PAX8: variants seen among roughly 807,000 people sequenced by gnomAD.
PAX8 encodes paired box protein Pax-8.
Under a neutral mutation model 52.4 loss-of-function variants are expected in PAX8, and 15 were observed. That is an observed-to-expected ratio of 0.29 (90% CI 0.19 to 0.44). PAX8 has a LOEUF of 0.44. Ranked by LOEUF, PAX8 falls within the 20% of genes least tolerant of loss-of-function variation. The pLI, the probability that PAX8 is intolerant of heterozygous loss-of-function variation, is 1.00. For missense variants in PAX8, 554 were observed against 602.5 expected (o/e 0.92, Z 0.84); for synonymous variants, 284 against 249.7 (o/e 1.14, Z -1.29).
rs748501737 is a variant in PAX8 at position 113,241,710 on chromosome 2, G to A, written c.618C>T (p.Cys206=). 1.9e-6 allele frequency: 3 copies of A among 1,614,078 alleles called. No individual in the cohort carries two copies. The highest frequency in any genetic ancestry group is 4.5e-5 in the East Asian group (2 of 44,880). The change falls in exon 7 of 12, where the codon TGC becomes TGT. Residue 206 remains cysteine (C), a synonymous_variant. Transcript: ENST00000429538. Reference sequence around the variant, plus strand: ...TGCTCTGTGAGTCAATGCTTAGTCGGCAGCTATCCTGATCACCTGGTACCC... The same window carrying A: ...TGCTCTGTGAGTCAATGCTTAGTCGACAGCTATCCTGATCACCTGGTACCC... The part of the protein sequence containing the change: ...RKMDDSDQDS[C]RLSIDSQSSS...
intron 2 of PAX8, among the ~76,000 whole-genome samples, chr2:113,253,762 G>A: frequency 6.6e-6 from 1 of 152,148 alleles, no homozygotes; most frequent in East Asian, 1.9e-4. Flanking sequence ...TTGAATGGCT[G>A]TCATAGAAAG....
chr2:113,255,272 A>G (rs1346984346), intron 2 of PAX8: 1 of 7,846 alleles, frequency 1.3e-4, no homozygotes, highest in Non-Finnish European at 2.0e-4. Context: ...GGAGGGGAGG[A>G]GGGAGGGGAG....
intron 3 of PAX8, among the ~76,000 whole-genome samples, chr2:113,246,206 A>G (rs982735873): frequency 5.9e-5 from 9 of 152,226 alleles, no homozygotes; most frequent in African/African-American, 2.2e-4. Flanking sequence ...TTCGGATTTA[A>G]TTGGTCTGCC....
intron 9 of PAX8, among the ~76,000 whole-genome samples, chr2:113,231,558 C>T (rs1689891052): frequency 6.6e-6 from 1 of 152,160 alleles, no homozygotes; most frequent in East Asian, 1.9e-4. Flanking sequence ...GAAGGAGTTG[C>T]AGGAGGCGGC....
At chr2:113,270,547 GC>G (rs1693400143) in intron 2 of PAX8, 1 of 152,098 alleles carries the variant, frequency 6.6e-6, no homozygotes, top group Non-Finnish European at 1.5e-5. Context: ...ACACCTCATG[GC>G]CCCTGAGTTT....
At chr2:113,235,253 C>T (rs1423915399) in intron 9 of PAX8, 141 bp downstream of exon 9, 3 of 697,396 alleles carry the variant, frequency 4.3e-6, no homozygotes, top group Admixed American at 3.0e-5. Flanking sequence ...ATGTTGGCGC[C>T]TCCAAAAGTT....
chr2:113,244,345 G>T, intron 4 of PAX8, 82 bp downstream of exon 4: 3 of 1,083,722 alleles, frequency 2.8e-6, no homozygotes, highest in Middle Eastern at 2.7e-4. Flanking sequence ...CTCCACCCAA[G>T]CCAGGCCTTT....
chr2:113,250,301 G>T (rs1012969163), intron 2 of PAX8, among the ~76,000 whole-genome samples: 2 of 151,626 alleles, frequency 1.3e-5, no homozygotes, highest in African/African-American at 4.8e-5. Context: ...AGGGGGACCA[G>T]GATGGAGAAG....
At chr2:113,231,690 T>G (rs2863243) in intron 9 of PAX8, among the ~76,000 whole-genome samples, 1 of 152,036 alleles carries the variant, frequency 6.6e-6, no homozygotes, top group Non-Finnish European at 1.5e-5. Flanking sequence ...GCAGCATTAC[T>G]TAGGAATAAT....
intron 2 of PAX8, chr2:113,267,067 G>C (rs1175642245): frequency 6.6e-6 from 1 of 152,272 alleles, no homozygotes; most frequent in African/African-American, 2.4e-5. Flanking sequence ...TTAGAGTGTA[G>C]TAGACAGAAC....
chr2:113,242,067 GA>G lies in PAX8; in HGVS notation c.541del (p.Ser181ProfsTer28). ...PQSDSLGSTYSINGLLGIAQP... is the reference protein window; with the variant it reads ...PQSDSLGSTYXINGLLGIAQP... ...AGCGATGCCCAGGAGCCCATTGATG[GA>G]GTAGGTGGAGCCCAGGGAATCCGAC... is the stretch of plus-strand genomic sequence containing the variant. On this transcript the variant is annotated frameshift_variant, in exon 6 of 12. Coordinates refer to ENST00000429538, the MANE Select transcript of PAX8 (RefSeq NM_003466.4). LOFTEE classifies it high-confidence loss of function. The G allele has an allele frequency of 6.2e-7, 1 of 1,613,670 alleles. No individual in the cohort carries two copies. The highest frequency in any genetic ancestry group is 8.5e-7 in the Non-Finnish European group (1 of 1,179,742).
At position 113,251,765 on chromosome 2, in the gene PAX8, T is replaced by A. The variant is rs190687481; in HGVS notation, c.26-4846A>T. 4.8e-4 allele frequency among the ~76,000 whole-genome samples: 73 copies of A among 152,342 alleles called. 2 individuals carry two copies. The highest frequency in any genetic ancestry group is 1.7e-3 in the African/African-American group (70 of 41,588). ...CAGAGACACTTATTGACCAAAATTC[T>A]TGTTATATGCACCAATATCCAAACC... On this transcript the variant is annotated intron_variant, in intron 2 of 11. Transcript: ENST00000429538.
intron 2 of PAX8, among the ~76,000 whole-genome samples, chr2:113,262,165 C>T (rs1215082366): frequency 6.6e-6 from 1 of 152,006 alleles, no homozygotes; most frequent in Non-Finnish European, 1.5e-5. Context: ...TTTGCTTATC[C>T]TTTTTGTTTT....
At position 113,217,830 on chromosome 2, in the gene PAX8, C is replaced by T. The variant is rs141475261; in HGVS notation, c.*703G>A. 2.6e-3 allele frequency: 610 copies of T among 233,306 alleles called. 2 individuals carry two copies. Among genetic ancestry groups the T allele is most frequent in the Admixed American group, 5.2e-3 (92 of 17,804 alleles). 14.5% of individuals were successfully genotyped at this position (233,306 alleles called of 1,614,324 possible). On this transcript the variant is annotated 3_prime_UTR_variant, in exon 12 of 12. Coordinates refer to ENST00000429538, the MANE Select transcript of PAX8 (RefSeq NM_003466.4). ...CTGACGGCAGCTGCCAAGGGGATGC[C>T]GCACTGCAGGAGGACCTGGGGTGGT...
rs1690856985 is a variant in PAX8 at position 113,241,709 on chromosome 2, G to A, written c.619C>T (p.Arg207Ter). 6.2e-7 allele frequency: 1 copy of A among 1,614,028 alleles called. No homozygotes were observed. Among genetic ancestry groups the A allele is most frequent in the Non-Finnish European group, 8.5e-7 (1 of 1,179,998 alleles). Residue 207 changes from arginine to a stop codon, truncating the protein, a stop_gained, in exon 7 of 12, where the codon CGA (arginine) becomes TGA (stop). Coordinates refer to ENST00000429538, the MANE Select transcript of PAX8 (RefSeq NM_003466.4). LOFTEE classifies it high-confidence loss of function. Reference protein sequence around the residue: ...KMDDSDQDSCRLSIDSQSSSS... With the variant: ...KMDDSDQDSC Reference sequence around the variant, plus strand: ...CTGCTCTGTGAGTCAATGCTTAGTCGGCAGCTATCCTGATCACCTGGTACC... The same window carrying A: ...CTGCTCTGTGAGTCAATGCTTAGTCAGCAGCTATCCTGATCACCTGGTACC...
chr2:113,262,518 G>C (rs942518416), intron 2 of PAX8, among the ~76,000 whole-genome samples: 1 of 152,158 alleles, frequency 6.6e-6, no homozygotes, highest in African/African-American at 2.4e-5. Context: ...GTCAGGGCTG[G>C]GTGGGGACTG....
intron 10 of PAX8, among the ~76,000 whole-genome samples, chr2:113,225,374 G>A (rs951288663): frequency 1.3e-5 from 2 of 152,218 alleles, no homozygotes; most frequent in African/African-American, 4.8e-5. Flanking sequence ...ATTGCAAGCA[G>A]TGGTAAGAGA....
At chr2:113,258,050 C>T (rs933471350) in intron 2 of PAX8, among the ~76,000 whole-genome samples, 4 of 152,272 alleles carry the variant, frequency 2.6e-5, no homozygotes, top group Non-Finnish European at 5.9e-5. Context: ...TCCGGCGCCA[C>T]CCCTGGCAGC....
intron 2 of PAX8, among the ~76,000 whole-genome samples, chr2:113,261,318 C>T (rs1692660877): frequency 6.6e-6 from 1 of 152,152 alleles, no homozygotes; most frequent in Non-Finnish European, 1.5e-5. Context: ...GTCCTAATGT[C>T]TACAACTCTG....
Sources: gnomAD v4.1 joint callset for allele counts (sites outside exome capture counted in the v4.1 genomes callset) on GRCh38, gnomAD v4.1.1 for gene constraint, MANE v1.5 for transcripts, NCBI Gene and HGNC (gene_info 2026-07-23, HGNC 2026-07-21) for gene names.